Variants in ANKS1B observed in about 807,000 individuals in gnomAD.
ANKS1B encodes ankyrin repeat and sterile alpha motif domain-containing protein 1B.
ANKS1B carries 36 observed loss-of-function variants against 148.3 expected under a neutral mutation model. That is an observed-to-expected ratio of 0.24 (90% CI 0.19 to 0.32). ANKS1B has a LOEUF of 0.32. Among genes scored for constraint, ANKS1B ranks in the 10% least tolerant of loss-of-function variants. ANKS1B has a pLI of 1.00. For synonymous variants in ANKS1B, 542 were observed against 560.8 expected, an observed-to-expected ratio of 0.97 and a Z score of 0.47; for missense variants, 1,157 against 1,542.6, an observed-to-expected ratio of 0.75 and a Z score of 4.19.
chr12:99,568,640 C>A (rs558172933), intron 9 of ANKS1B, among the ~76,000 whole-genome samples: 9 of 152,188 alleles, frequency 5.9e-5, no homozygotes, highest in African/African-American at 2.2e-4. Context: ...TTCTTATATT[C>A]TCTGACAAAA....
intron 12 of ANKS1B, among the ~76,000 whole-genome samples, chr12:99,311,271 G>T (rs1397243126): frequency 6.6e-6 from 1 of 151,862 alleles, no homozygotes; most frequent in Non-Finnish European, 1.5e-5. Context: ...AACATTGCCA[G>T]AAACCCAGCA....
chr12:99,296,210 C>A (rs1193752459), intron 12 of ANKS1B, among the ~76,000 whole-genome samples: 1 of 152,058 alleles, frequency 6.6e-6, no homozygotes, highest in Non-Finnish European at 1.5e-5. Context: ...TACATTGATA[C>A]CACATGGTCT....
chr12:99,488,812 A>G (rs2096527701), intron 10 of ANKS1B, among the ~76,000 whole-genome samples: 1 of 152,108 alleles, frequency 6.6e-6, no homozygotes, highest in Admixed American at 6.5e-5. Flanking sequence ...TAACGTTTAT[A>G]ATTTTCTGTT....
intron 9 of ANKS1B, among the ~76,000 whole-genome samples, chr12:99,509,099 A>G (rs2096738992): frequency 6.6e-6 from 1 of 151,892 alleles, no homozygotes; most frequent in Non-Finnish European, 1.5e-5. Context: ...CATATAAAAC[A>G]GTGAACTTAA....
At chr12:99,939,233 GGTGACT>G (rs1287678784) in intron 1 of ANKS1B, among the ~76,000 whole-genome samples, 1 of 152,034 alleles carries the variant, frequency 6.6e-6, no homozygotes, top group Non-Finnish European at 1.5e-5. Context: ...TAGGACTACA[GGTGACT>G]GTGACCACAG....
intron 10 of ANKS1B, among the ~76,000 whole-genome samples, chr12:99,488,259 G>C (rs1042084165): frequency 1.3e-5 from 2 of 152,006 alleles, no homozygotes; most frequent in African/African-American, 2.4e-5. Context: ...AAAGCATATA[G>C]CAAGAATTTT....
intron 16 of ANKS1B, among the ~76,000 whole-genome samples, chr12:99,067,030 G>C (rs956892454): frequency 1.2e-4 from 19 of 152,292 alleles, no homozygotes; most frequent in African/African-American, 4.6e-4. Context: ...AGAGAGAATG[G>C]GTGATTCTGA....
At chr12:99,294,456 T>G (rs1312043046) in intron 12 of ANKS1B, among the ~76,000 whole-genome samples, 1 of 152,206 alleles carries the variant, frequency 6.6e-6, no homozygotes, top group Non-Finnish European at 1.5e-5. Flanking sequence ...TCTCACTTAT[T>G]TGTGGGAGCT....
intron 17 of ANKS1B, among the ~76,000 whole-genome samples, chr12:98,981,429 G>A (rs2099910449): frequency 6.6e-6 from 1 of 152,062 alleles, no homozygotes; most frequent in Non-Finnish European, 1.5e-5. Flanking sequence ...TCCGCCTCCT[G>A]GGTTCAAGGG....
At chr12:99,067,960 A>T (rs572011270) in intron 16 of ANKS1B, among the ~76,000 whole-genome samples, 3 of 152,086 alleles carry the variant, frequency 2.0e-5, no homozygotes, top group Non-Finnish European at 4.4e-5. Flanking sequence ...TGGAGTGACT[A>T]AGAATCTTCA....
chr12:99,389,147 C>G (rs1434651492), intron 12 of ANKS1B, among the ~76,000 whole-genome samples: 1 of 152,108 alleles, frequency 6.6e-6, no homozygotes, highest in Non-Finnish European at 1.5e-5. Context: ...CTAGGAGAGG[C>G]AAGGAACAAT....
At chr12:99,551,848 T>C (rs1050413848) in intron 9 of ANKS1B, among the ~76,000 whole-genome samples, 3 of 152,150 alleles carry the variant, frequency 2.0e-5, no homozygotes, top group African/African-American at 7.2e-5. Flanking sequence ...CTCACTAAAA[T>C]GAAAATCTGA....
chr12:99,795,110 G>A (rs1451782378), intron 4 of ANKS1B, among the ~76,000 whole-genome samples: 3 of 151,808 alleles, frequency 2.0e-5, no homozygotes, highest in African/African-American at 7.3e-5. Flanking sequence ...AATTTTAGAG[G>A]AAGAAGATAG....
chr12:99,499,240 GA>G (rs1420708386), intron 10 of ANKS1B, among the ~76,000 whole-genome samples: 2 of 151,910 alleles, frequency 1.3e-5, no homozygotes, highest in Admixed American at 1.3e-4. Context: ...TTAAATTCTG[GA>G]CTCCTTTACC....
At chr12:98,968,368 G>A (rs1425723598) in intron 17 of ANKS1B, among the ~76,000 whole-genome samples, 1 of 152,120 alleles carries the variant, frequency 6.6e-6, no homozygotes, top group Non-Finnish European at 1.5e-5. Context: ...CTGAGGGTGG[G>A]ACTCAGGAAT....
At chr12:98,781,775 A>T (rs1028181363) in intron 23 of ANKS1B, among the ~76,000 whole-genome samples, 3 of 152,218 alleles carry the variant, frequency 2.0e-5, no homozygotes, top group African/African-American at 4.8e-5. Flanking sequence ...CAGCAGAATC[A>T]CTTGTGACCA....
intron 1 of ANKS1B, among the ~76,000 whole-genome samples, chr12:99,850,281 G>GTCTCTCCCTCTCCCTCTCCCTC (rs57015094): frequency 4.4e-5 from 5 of 114,206 alleles, no homozygotes; most frequent in African/African-American, 1.8e-4. Context: ...AAGCAAGAAA[G>GTCTCTCCCTCTCCCTCTCCCTC]TCTCTCTCTC....
rs59207203 is a variant in ANKS1B at position 99,271,662 on chromosome 12, CTATATATATATATA to C, written c.1757-24812_1757-24799del. The stretch of plus-strand genomic sequence containing the variant: ...ATTCAGTCAGTAGTCAGTCAATAAA[CTATATATATATATA>C]TATATATATATATATATTTACTAAA... On this transcript the variant is annotated intron_variant, in intron 12 of 26. Transcript: ENST00000683438. Among the ~76,000 whole-genome samples the C allele has an allele frequency of 5.4e-4, 51 of 94,212 alleles. 1 individual carries two copies. In the South Asian group the frequency reaches 0.015, roughly 27 times the overall value. 61.8% of individuals were successfully genotyped at this position (94,212 alleles called of 152,430 possible).
chr12:99,723,825 A>C (rs1388760031), intron 8 of ANKS1B, among the ~76,000 whole-genome samples: 2 of 152,048 alleles, frequency 1.3e-5, no homozygotes, highest in Admixed American at 1.3e-4. Flanking sequence ...AGCCTCCTTG[A>C]GTGACTGGCT....
Sources: gnomAD v4.1 joint callset for allele counts (sites outside exome capture counted in the v4.1 genomes callset) on GRCh38, gnomAD v4.1.1 for gene constraint, MANE v1.5 for transcripts, NCBI Gene and HGNC (gene_info 2026-07-23, HGNC 2026-07-21) for gene names.